The following FBRSL1 variants were observed in gnomAD, a reference collection of about 807,000 sequenced individuals.
FBRSL1 encodes the protein fibrosin like 1.
In FBRSL1, 51 loss-of-function variants were observed where a neutral mutation model predicts 89.6. The observed-to-expected ratio is 0.57, with a 90% confidence interval of 0.45 to 0.72. The LOEUF (loss-of-function observed/expected upper bound fraction) is 0.72, where lower values mean the gene tolerates loss of function less well. FBRSL1 is among the 30% of genes least tolerant of loss of function. The pLI is 0.00. For synonymous variants in FBRSL1, 779 were observed against 681.1 expected (o/e 1.14, Z -2.24); for missense variants, 1,618 against 1,451.8 (o/e 1.11, Z -1.86).
rs76385375 is a variant in FBRSL1, at chr12:132,496,516, C to T, written c.291+5655C>T. 1.9e-3 allele frequency among the ~76,000 whole-genome samples: 290 copies of T among 152,354 alleles called. 2 individuals are homozygous for T. Among genetic ancestry groups the T allele is most frequent in the African/African-American group, 6.5e-3 (270 of 41,568 alleles). ...CTGTTTGTCTTCCCACCTGACATCTCTACCTGGGTACTTTGTTGGATTCCC... is the reference window on the plus strand; with the variant it reads ...CTGTTTGTCTTCCCACCTGACATCTTTACCTGGGTACTTTGTTGGATTCCC... On this transcript the variant is annotated intron_variant, in intron 1 of 18. Transcript: ENST00000680143.
chr12:132,549,404 C>T (rs1052240633), intron 5 of FBRSL1, among the ~76,000 whole-genome samples: 1 of 152,230 alleles, frequency 6.6e-6, no homozygotes, highest in Non-Finnish European at 1.5e-5. Context: ...CTGCCCACAG[C>T]TTCCGCGCCC....
intron 1 of FBRSL1, among the ~76,000 whole-genome samples, chr12:132,492,974 T>C (rs2031338611): frequency 6.6e-6 from 1 of 152,250 alleles, no homozygotes. Context: ...TCAGTAAGCA[T>C]TCTCTCCATC....
At chr12:132,521,510 A>G (rs2035353464) in intron 2 of FBRSL1, among the ~76,000 whole-genome samples, 1 of 152,074 alleles carries the variant, frequency 6.6e-6, no homozygotes, top group African/African-American at 2.4e-5. Context: ...CTGCATTAGA[A>G]CAGCAGCCCA....
chr12:132,577,489 C>G (rs1026062787), intron 15 of FBRSL1, among the ~76,000 whole-genome samples: 48 of 152,202 alleles, frequency 3.2e-4, no homozygotes, highest in African/African-American at 1.1e-3. Context: ...CCCGGGGTCC[C>G]AGGACGGGCC....
Position 132,570,120 on chromosome 12 carries a change from C to T in FBRSL1, c.886C>T (p.Arg296Cys), listed in dbSNP as rs1001674562. The T allele has an allele frequency of 2.0e-5, 30 of 1,476,408 alleles. 1 individual carries two copies. Among genetic ancestry groups the T allele is most frequent in the East Asian group, 1.9e-4 (7 of 36,606 alleles). The allele number at this position is 1,476,408 out of a possible 1,614,324, so 91.5% of individuals were successfully genotyped here. A position where few individuals can be genotyped will look rare whatever the true frequency, so the allele number is the denominator to read the frequency against. The part of the protein sequence containing the change: ...LVKKEPPAPH[R>C]HTPQPPPPQP... ...GAAGAAGGAACCCCCCGCCCCGCAC[C>T]GCCACACCCCGCAGCCGCCACCCCC... The change falls in exon 7 of 19, where the codon CGC (arginine) becomes TGC (cysteine). Residue 296 changes from arginine to cysteine, a missense_variant. Coordinates refer to ENST00000680143, the MANE Select transcript of FBRSL1 (RefSeq NM_001367871.1).
chr12:132,507,304 G>A (rs993101203), intron 1 of FBRSL1: 13 of 985,450 alleles, frequency 1.3e-5, no homozygotes, highest in East Asian at 1.1e-4. Context: ...CTCCCTGGCC[G>A]GCTGGCTCCT....
At chr12:132,516,223 C>T (rs2034829736) in intron 2 of FBRSL1, among the ~76,000 whole-genome samples, 1 of 147,924 alleles carries the variant, frequency 6.8e-6, no homozygotes, top group African/African-American at 2.5e-5. Context: ...TGGAGTCTTG[C>T]TCTATCACCC....
intron 2 of FBRSL1, chr12:132,510,243 G>A (rs991872865): frequency 1.6e-6 from 2 of 1,231,858 alleles, no homozygotes; most frequent in Non-Finnish European, 2.0e-6. Context: ...TTCACTCCTG[G>A]GGCAGCCGGG....
At chr12:132,522,880 G>A (rs2035479378) in intron 2 of FBRSL1, among the ~76,000 whole-genome samples, 2 of 152,148 alleles carry the variant, frequency 1.3e-5, no homozygotes, top group African/African-American at 4.8e-5. Context: ...CCTGGCAGAC[G>A]GAGCCACCTT....
rs1489070683 is a variant in FBRSL1 at position 132,490,272 on chromosome 12, G to A, written c.-299G>A. The A allele has an allele frequency of 7.0e-6, 1 of 142,216 alleles. No individual in the cohort carries two copies. Among genetic ancestry groups the A allele is most frequent in the Non-Finnish European group, 1.6e-5 (1 of 64,422 alleles). 8.8% of individuals were successfully genotyped at this position (142,216 alleles called of 1,614,324 possible). On this transcript the variant is annotated 5_prime_UTR_variant, in exon 1 of 19. Transcript: ENST00000680143. The stretch of plus-strand genomic sequence containing the variant: ...GCCCCGCCCGCTCGGCCCGATCGCC[G>A]CGCCGCGCGCATGGGGCGCGCCCCC...
Position 132,583,594 on chromosome 12 carries a change from T to A in FBRSL1, c.2825T>A (p.Leu942His), listed in dbSNP as rs1234169663. The A allele has an allele frequency of 3.6e-5, 36 of 994,430 alleles. No individual in the cohort carries two copies. Among genetic ancestry groups the A allele is most frequent in the Admixed American group, 6.2e-5 (1 of 16,032 alleles). The allele number at this position is 994,430 out of a possible 1,614,324, so 61.6% of individuals were successfully genotyped here. Residue 942 changes from leucine to histidine, a missense_variant, in exon 19 of 19, where the codon CTC becomes CAC. Coordinates refer to ENST00000680143, the MANE Select transcript of FBRSL1 (RefSeq NM_001367871.1). ...TCGCCCGCCGCGCTGCACAATGGGC[T>A]CCTGGCGCGGACCCCGCCCGCCGCC... ...RLSPAALHNG[L>H]LARTPPAAAA...
intron 4 of FBRSL1, among the ~76,000 whole-genome samples, chr12:132,538,876 G>A (rs1243210171): frequency 1.3e-5 from 2 of 152,152 alleles, no homozygotes; most frequent in South Asian, 4.1e-4. Context: ...AGGTTGCAAG[G>A]GTGCCTCCAC....
At position 132,490,290 on chromosome 12, in the gene FBRSL1, G is replaced by A. The variant is rs1286508438; in HGVS notation, c.-281G>A. On this transcript the variant is annotated 5_prime_UTR_variant, in exon 1 of 19. Transcript: ENST00000680143. ...GATCGCCGCGCCGCGCGCATGGGGC[G>A]CGCCCCCGGGGGGGCGGCCGAGGGC... The A allele has an allele frequency of 1.4e-5, 2 of 141,088 alleles. No homozygotes were observed. The highest frequency in any genetic ancestry group is 2.2e-4 in the East Asian group (1 of 4,612). The allele number at this position is 141,088 out of a possible 1,614,324, so 8.7% of individuals were successfully genotyped here.
chr12:132,571,188 C>T lies in FBRSL1; in HGVS notation c.1334C>T (p.Ala445Val), dbSNP rs2039983605. ...CCTGCACCCCTGGGCCCGCACGTGGCGAGCGGCCACCCCGGCTTGGCCTGC... is the reference window on the plus strand; with the variant it reads ...CCTGCACCCCTGGGCCCGCACGTGGTGAGCGGCCACCCCGGCTTGGCCTGC... The part of the protein sequence containing the change: ...LLPAPLGPHV[A>V]SGHPGLACRP... Residue 445 changes from alanine to valine, a missense_variant, in exon 9 of 19, where the codon GCG (alanine) becomes GTG (valine). Physicochemically the swap from Ala to Val is moderately conservative, Grantham distance 64 (BLOSUM62 0). Transcript: ENST00000680143. The T allele has an allele frequency of 2.1e-6, 3 of 1,432,388 alleles. No homozygotes were observed. Among genetic ancestry groups the T allele is most frequent in the Middle Eastern group, 2.5e-4 (1 of 4,030 alleles). The allele number at this position is 1,432,388 out of a possible 1,614,324, so 88.7% of individuals were successfully genotyped here.
At chr12:132,570,989 T>C in intron 8 of FBRSL1, 79 bp from the exon 9 acceptor site, 1 of 920,264 alleles carries the variant, frequency 1.1e-6, no homozygotes, top group Non-Finnish European at 1.3e-6. Context: ...TGTCCCGGGA[T>C]GGGACCAGGA....
chr12:132,570,581 G>C, intron 8 of FBRSL1, 41 bp downstream of exon 8: 1 of 1,437,904 alleles, frequency 7.0e-7, no homozygotes. Context: ...GCAGGGGTTG[G>C]GGGGTGCGGG....
At chr12:132,573,825 G>C (rs1041852119) in intron 11 of FBRSL1, among the ~76,000 whole-genome samples, 1 of 152,196 alleles carries the variant, frequency 6.6e-6, no homozygotes, top group Non-Finnish European at 1.5e-5. Flanking sequence ...GGGTGGGGCT[G>C]TCTCGGCCCT....
At chr12:132,530,230 G>A (rs527832338) in intron 4 of FBRSL1, among the ~76,000 whole-genome samples, 6 of 152,310 alleles carry the variant, frequency 3.9e-5, no homozygotes, top group East Asian at 1.9e-4. Context: ...CCTGGTGTGC[G>A]TGTTCAGGGT....
At position 132,543,803 on chromosome 12, in the gene FBRSL1, G is replaced by A. The variant is rs1319830162; in HGVS notation, c.616-4200G>A. ...GGGTGGTTGGGGAAGCCACTCTCAC[G>A]GAGGACGAAACCGGTGCCTGTGCTT... On this transcript the variant is annotated intron_variant, in intron 4 of 18. Transcript: ENST00000680143. 2.6e-5 allele frequency among the ~76,000 whole-genome samples: 4 copies of A among 152,224 alleles called. No homozygotes were observed. In the East Asian group the frequency reaches 7.7e-4, roughly 29 times the overall value.
Sources: gnomAD v4.1 joint callset for allele counts (sites outside exome capture counted in the v4.1 genomes callset) on GRCh38, gnomAD v4.1.1 for gene constraint, MANE v1.5 for transcripts, NCBI Gene and HGNC (gene_info 2026-07-23, HGNC 2026-07-21) for gene names.